TNS3: variants seen among roughly 807,000 people sequenced by gnomAD.
The protein encoded by TNS3 is tensin-3.
In TNS3, 45 loss-of-function variants were observed where a neutral mutation model predicts 140.9. The ratio of observed to expected loss-of-function variants is 0.32; its 90% CI spans 0.25 to 0.41. The LOEUF (loss-of-function observed/expected upper bound fraction) is 0.41. Ranked by LOEUF, TNS3 falls within the 10% of genes least tolerant of loss-of-function variation. The pLI, the probability that TNS3 is intolerant of heterozygous loss-of-function variation, is 1.00. For missense variants in TNS3, 1,716 were observed against 1,906.7 expected (o/e 0.90, Z 1.86); for synonymous variants, 815 against 788.4 (o/e 1.03, Z -0.56).
chr7:47,578,269 G>A (rs1008366093), intron 1 of TNS3, among the ~76,000 whole-genome samples: 2 of 151,904 alleles, frequency 1.3e-5, no homozygotes, highest in African/African-American at 4.8e-5. Flanking sequence ...GAGATGGCCC[G>A]ACTGGACTCC....
At chr7:47,436,238 A>G (rs1483161120) in intron 7 of TNS3, among the ~76,000 whole-genome samples, 1 of 152,250 alleles carries the variant, frequency 6.6e-6, no homozygotes, top group Non-Finnish European at 1.5e-5. Flanking sequence ...TAATTGAGAT[A>G]CTATTATACA....
intron 13 of TNS3, among the ~76,000 whole-genome samples, chr7:47,405,137 C>T (rs1322542891): frequency 1.3e-5 from 2 of 152,126 alleles, no homozygotes; most frequent in African/African-American, 4.8e-5. Context: ...AGAGAAAAAG[C>T]ACCATGTACC....
chr7:47,557,603 A>C (rs561572596), intron 1 of TNS3, among the ~76,000 whole-genome samples: 1 of 152,332 alleles, frequency 6.6e-6, no homozygotes, highest in Admixed American at 6.5e-5. Context: ...ATGACGTGGC[A>C]ACTGGCAGAA....
At chr7:47,487,963 G>A (rs1182655396) in intron 3 of TNS3, among the ~76,000 whole-genome samples, 1 of 151,998 alleles carries the variant, frequency 6.6e-6, no homozygotes, top group African/African-American at 2.4e-5. Flanking sequence ...AAACAGATAC[G>A]GACGCCAAAT....
At chr7:47,312,351 C>T (rs1294269140) in intron 20 of TNS3, among the ~76,000 whole-genome samples, 2 of 152,196 alleles carry the variant, frequency 1.3e-5, no homozygotes, top group African/African-American at 4.8e-5. Flanking sequence ...ACTTCTATTC[C>T]CAGTACTAAG....
At chr7:47,284,857 C>T (rs1049296919) in intron 27 of TNS3, among the ~76,000 whole-genome samples, 3 of 152,364 alleles carry the variant, frequency 2.0e-5, no homozygotes, top group East Asian at 1.9e-4. Context: ...ATGCACGGTA[C>T]GCGCTGGGTA....
intron 8 of TNS3, among the ~76,000 whole-genome samples, chr7:47,430,894 T>C (rs373772111): frequency 1.8e-3 from 267 of 152,170 alleles, no homozygotes; most frequent in African/African-American, 6.3e-3. Context: ...CTAATTTTTT[T>C]GTATTTTTAG....
At chr7:47,477,633 C>T (rs1236891843) in intron 4 of TNS3, among the ~76,000 whole-genome samples, 1 of 152,174 alleles carries the variant, frequency 6.6e-6, no homozygotes, top group Non-Finnish European at 1.5e-5. Context: ...ACAAAAACAG[C>T]TATCAGGTGA....
chr7:47,503,996 T>C (rs1798320994), intron 3 of TNS3, among the ~76,000 whole-genome samples: 1 of 152,086 alleles, frequency 6.6e-6, no homozygotes, highest in Admixed American at 6.5e-5. Context: ...CCAGCTACCA[T>C]CACCTTGGGG....
chr7:47,536,992 G>T (rs1799622571), intron 1 of TNS3, among the ~76,000 whole-genome samples: 2 of 151,992 alleles, frequency 1.3e-5, no homozygotes, highest in South Asian at 4.1e-4. Flanking sequence ...CGTGCCTCGC[G>T]CCCCTGGCCA....
intron 10 of TNS3, 37 bp from the exon 11 acceptor site, chr7:47,415,243 T>C: frequency 1.4e-6 from 2 of 1,481,434 alleles, no homozygotes; most frequent in South Asian, 1.2e-5. Context: ...TTCCCAGAAG[T>C]GTCTTCAGCC....
At position 47,397,330 on chromosome 7, in the gene TNS3, C is replaced by G. The variant is rs547772063; in HGVS notation, c.920-426G>C. Among the ~76,000 whole-genome samples the G allele has an allele frequency of 8.5e-5, 13 of 152,262 alleles. No homozygotes were observed. In the South Asian group the frequency reaches 1.7e-3, roughly 19 times the overall value. ...GAATACCAAGGGGATTTTTAACACACAAGCCATGTATTTAAAGGTTTTTGC... is the reference window on the plus strand; with the variant it reads ...GAATACCAAGGGGATTTTTAACACAGAAGCCATGTATTTAAAGGTTTTTGC... On this transcript the variant is annotated intron_variant, in intron 15 of 30. Transcript: ENST00000311160.
In TNS3 at chr7:47,582,052, T is replaced by A. The variant is rs1784548666; in HGVS notation, c.-266A>T. Reference sequence around the variant, plus strand: ...TTCCTCCTTCCCCGGCCCCAGTACCTGGGGGAGCCTGAGGCGCGGTCCGGC... The same window carrying A: ...TTCCTCCTTCCCCGGCCCCAGTACCAGGGGGAGCCTGAGGCGCGGTCCGGC... On this transcript the variant is annotated splice_region_variant and 5_prime_UTR_variant, in exon 1 of 31. Coordinates refer to ENST00000311160, the MANE Select transcript of TNS3 (RefSeq NM_022748.12). 6.6e-6 allele frequency: 1 copy of A among 151,842 alleles called. No homozygotes were observed. The highest frequency in any genetic ancestry group is 1.5e-5 in the Non-Finnish European group (1 of 67,920). 9.4% of individuals were successfully genotyped at this position (151,842 alleles called of 1,614,324 possible). A position where few individuals can be genotyped will look rare whatever the true frequency, so the allele number is the denominator to read the frequency against.
intron 6 of TNS3, 38 bp downstream of exon 6, chr7:47,439,449 A>C: frequency 6.2e-7 from 1 of 1,608,400 alleles, no homozygotes; most frequent in Non-Finnish European, 8.5e-7. Flanking sequence ...CCTGCTGCAG[A>C]GCCTGCCCAA....
intron 13 of TNS3, among the ~76,000 whole-genome samples, chr7:47,409,270 C>T (rs1793623267): frequency 6.6e-6 from 1 of 151,878 alleles, no homozygotes; most frequent in African/African-American, 2.4e-5. Context: ...AGACTGCCCC[C>T]GCCCGCCTGG....
At chr7:47,354,638 T>G (rs1789883376) in intron 17 of TNS3, among the ~76,000 whole-genome samples, 2 of 151,636 alleles carry the variant, frequency 1.3e-5, no homozygotes, top group Admixed American at 1.3e-4. Context: ...CATCCTCTCC[T>G]TACAAAGGTC....
At chr7:47,295,747 C>G (rs373922104) in intron 24 of TNS3, among the ~76,000 whole-genome samples, 52 of 152,280 alleles carry the variant, frequency 3.4e-4, no homozygotes, top group African/African-American at 1.2e-3. Flanking sequence ...CAAAATGAAC[C>G]CATCTATGTT....
chr7:47,557,762 G>A (rs1418335367), intron 1 of TNS3, among the ~76,000 whole-genome samples: 2 of 152,202 alleles, frequency 1.3e-5, no homozygotes, highest in Non-Finnish European at 2.9e-5. Flanking sequence ...CATGTAGTGG[G>A]AGGAGGTAGG....
intron 27 of TNS3, among the ~76,000 whole-genome samples, 181 bp from the exon 28 acceptor site, chr7:47,284,046 G>A (rs1333699972): frequency 6.6e-6 from 1 of 152,236 alleles, no homozygotes; most frequent in Non-Finnish European, 1.5e-5. Flanking sequence ...TGAACAGTGA[G>A]TGCTCCAAGG....
Sources: gnomAD v4.1 joint callset for allele counts (sites outside exome capture counted in the v4.1 genomes callset) on GRCh38, gnomAD v4.1.1 for gene constraint, MANE v1.5 for transcripts, NCBI Gene and HGNC (gene_info 2026-07-23, HGNC 2026-07-21) for gene names.